VPS13A: variants seen among roughly 807,000 people sequenced by gnomAD.
VPS13A encodes the protein intermembrane lipid transfer protein VPS13A.
Under a neutral mutation model 390.9 loss-of-function variants are expected in VPS13A, and 264 were observed. The observed-to-expected ratio is 0.68, with a 90% CI of 0.61 to 0.75. The LOEUF (loss-of-function observed/expected upper bound fraction) is 0.75. Ranked by LOEUF, VPS13A falls within the 30% of genes least tolerant of loss-of-function variation. VPS13A has a pLI of 0.00. For synonymous variants in VPS13A, 1,231 were observed against 1,227.1 expected (o/e 1.00, Z -0.07); for missense variants, 3,409 against 3,733.9 (o/e 0.91, Z 2.27).
rs1210904164 is a variant in VPS13A at position 77,351,453 on chromosome 9, A to G, written c.7419+7A>G. ...TGAAGTAACACAGAAGGATGTAAGT[A>G]TTGGGTTATTATGGTGTTCCCAGCA... On this transcript the variant is annotated splice_region_variant and intron_variant, in intron 53 of 71. Transcript: ENST00000360280. 1 of 1,612,416 alleles carries G rather than the reference A, an allele frequency of 6.2e-7. No homozygotes were observed.
intron 46 of VPS13A, among the ~76,000 whole-genome samples, chr9:77,333,248 A>G (rs1830371258): frequency 6.6e-6 from 1 of 152,038 alleles, no homozygotes; most frequent in South Asian, 2.1e-4. Context: ...TCCATAGTAG[A>G]GAAAACAGTA....
At position 77,420,827 on chromosome 9, in the gene VPS13A, A is replaced by G. The variant is rs985348286; in HGVS notation, c.*4821A>G. ...TTGGAAAATCCCAACATTTCCTGTTATGCCGTCATACCTCCGGTGTTCAGT... is the reference window on the plus strand; with the variant it reads ...TTGGAAAATCCCAACATTTCCTGTTGTGCCGTCATACCTCCGGTGTTCAGT... On this transcript the variant is annotated 3_prime_UTR_variant, in exon 72 of 72. Transcript: ENST00000360280. 2.0e-5 allele frequency: 3 copies of G among 152,188 alleles called. No individual in the cohort carries two copies. Among genetic ancestry groups the G allele is most frequent in the African/African-American group, 7.2e-5 (3 of 41,460 alleles). The allele number at this position is 152,188 out of a possible 1,614,324, so 9.4% of individuals were successfully genotyped here.
At chr9:77,272,491 C>T (rs1405073630) in intron 23 of VPS13A, among the ~76,000 whole-genome samples, 1 of 152,320 alleles carries the variant, frequency 6.6e-6, no homozygotes, top group East Asian at 1.9e-4. Flanking sequence ...GTTTCTTCAT[C>T]AGTGCAATAC....
chr9:77,270,696 CA>C (rs199623588), intron 23 of VPS13A, among the ~76,000 whole-genome samples: 53 of 147,990 alleles, frequency 3.6e-4, no homozygotes, highest in East Asian at 2.0e-3. Context: ...GTCTCAAAAA[CA>C]AAAAAAAAAT....
chr9:77,178,890 A>G (rs547923851), intron 1 of VPS13A, among the ~76,000 whole-genome samples: 66 of 152,218 alleles, frequency 4.3e-4, no homozygotes, highest in Middle Eastern at 3.4e-3. Context: ...TAAAATACTT[A>G]CCTTGACTCT....
At chr9:77,392,326 C>T (rs1175127146) in intron 68 of VPS13A, among the ~76,000 whole-genome samples, 1 of 152,168 alleles carries the variant, frequency 6.6e-6, no homozygotes, top group Non-Finnish European at 1.5e-5. Context: ...TCTGTGCTAA[C>T]TCGTTTTGTT....
chr9:77,323,311 A>C, intron 45 of VPS13A, 84 bp downstream of exon 45: 1 of 1,487,864 alleles, frequency 6.7e-7, no homozygotes, highest in South Asian at 1.1e-5. Context: ...ACAAATTATT[A>C]CTGAAAGAAT....
intron 34 of VPS13A, among the ~76,000 whole-genome samples, chr9:77,306,142 A>G (rs1828726331): frequency 6.6e-6 from 1 of 152,182 alleles, no homozygotes; most frequent in African/African-American, 2.4e-5. Context: ...AAAAACCCCA[A>G]ACATTAGTAG....
chr9:77,231,809 C>A (rs925491081), intron 17 of VPS13A, among the ~76,000 whole-genome samples: 14 of 151,952 alleles, frequency 9.2e-5, no homozygotes, highest in Middle Eastern at 6.8e-3. Flanking sequence ...GATGTCTTAT[C>A]TCAGAAGGTT....
chr9:77,408,164 A>C (rs1311134964), intron 71 of VPS13A, among the ~76,000 whole-genome samples: 2 of 152,210 alleles, frequency 1.3e-5, no homozygotes, highest in African/African-American at 4.8e-5. Flanking sequence ...TGTGTACTTT[A>C]GGGATTATGG....
At chr9:77,356,959 CT>C in intron 55 of VPS13A, 92 bp downstream of exon 55, 2 of 1,404,608 alleles carry the variant, frequency 1.4e-6, no homozygotes, top group Non-Finnish European at 2.0e-6. Flanking sequence ...GTTTGGCTTC[CT>C]TATAAAACAA....
chr9:77,405,954 TG>T lies in VPS13A; in HGVS notation c.9367del (p.Val3123PhefsTer14), dbSNP rs1358293369. The T allele has an allele frequency of 2.5e-6, 4 of 1,613,830 alleles. No homozygotes were observed. The African/African-American group carries it at 5.3e-5, about 22-fold the overall frequency. Reference sequence around the variant, plus strand: ...ATGAATTTACCAAAGAGCCATTCATTGTTCATGGGAGAAGATTGCGCATTGA... The same window carrying T: ...ATGAATTTACCAAAGAGCCATTCATTTTCATGGGAGAAGATTGCGCATTGA... Reference protein sequence around the residue: ...FDEFTKEPFIVHGRRLRIEAK... With the variant: ...FDEFTKEPFIXHGRRLRIEAK... On this transcript the variant is annotated frameshift_variant, in exon 70 of 72. Transcript: ENST00000360280. LOFTEE classifies it high-confidence loss of function.
In VPS13A at chr9:77,418,361, G is replaced by C. The variant is rs1259087136; in HGVS notation, c.*2355G>C. 6.6e-6 allele frequency: 1 copy of C among 152,122 alleles called. No homozygotes were observed. Among genetic ancestry groups the C allele is most frequent in the Non-Finnish European group, 1.5e-5 (1 of 68,026 alleles). 9.4% of individuals were successfully genotyped at this position (152,122 alleles called of 1,614,324 possible). On this transcript the variant is annotated 3_prime_UTR_variant, in exon 72 of 72. Transcript: ENST00000360280. ...ATGTCTTCTGGTCTATGATAATTGTGTGAGGACTAAGGCAGAGTGCCTGTT... is the reference window on the plus strand; with the variant it reads ...ATGTCTTCTGGTCTATGATAATTGTCTGAGGACTAAGGCAGAGTGCCTGTT...
intron 54 of VPS13A, 62 bp from the exon 55 acceptor site, chr9:77,356,652 C>A (rs1831796733): frequency 6.6e-7 from 1 of 1,505,864 alleles, no homozygotes; most frequent in Non-Finnish European, 9.0e-7. Context: ...TGTAATAAAC[C>A]AGTTAAAATA....
chr9:77,246,520 T>C (rs1368516712), intron 19 of VPS13A, among the ~76,000 whole-genome samples: 1 of 152,074 alleles, frequency 6.6e-6, no homozygotes, highest in Non-Finnish European at 1.5e-5. Flanking sequence ...GTGTCAGATC[T>C]TTTTAAACTT....
At chr9:77,186,108 ACT>A (rs1041835258) in intron 1 of VPS13A, among the ~76,000 whole-genome samples, 11 of 152,100 alleles carry the variant, frequency 7.2e-5, no homozygotes, top group African/African-American at 2.4e-4. Context: ...ACAGTGCGAA[ACT>A]CTGTCTCAAA....
chr9:77,391,928 C>G (rs1833915448), intron 68 of VPS13A, among the ~76,000 whole-genome samples: 1 of 152,172 alleles, frequency 6.6e-6, no homozygotes, highest in African/African-American at 2.4e-5. Context: ...TGTTCAGACA[C>G]TCTTGTAGAT....
intron 54 of VPS13A, 85 bp downstream of exon 54, chr9:77,353,726 AGTT>A (rs1831605220): frequency 3.8e-6 from 5 of 1,317,844 alleles, no homozygotes; most frequent in Non-Finnish European, 4.3e-6. Flanking sequence ...CAAATGATTT[AGTT>A]TCAGTTTTGT....
chr9:77,375,776 ATAAT>A (rs1833034499), intron 67 of VPS13A, among the ~76,000 whole-genome samples: 1 of 152,230 alleles, frequency 6.6e-6, no homozygotes, highest in African/African-American at 2.4e-5. Context: ...ACAAACATAA[ATAAT>A]TATTCAGCAC....
Sources: allele counts gnomAD v4.1 joint callset (sites outside exome capture counted in the v4.1 genomes callset), GRCh38; gene constraint gnomAD v4.1.1; transcripts MANE v1.5; gene names NCBI Gene and HGNC (gene_info 2026-07-23, HGNC 2026-07-21).